Variants in MAPK8IP3 observed in about 807,000 individuals in gnomAD.
MAPK8IP3 encodes mitogen-activated protein kinase 8 interacting protein 3, also known as C-Jun-amino-terminal kinase-interacting protein 3.
A neutral mutation model predicts 157.8 loss-of-function variants in MAPK8IP3; 49 were observed. That is an observed-to-expected ratio of 0.31 (90% CI 0.25 to 0.39). The LOEUF (loss-of-function observed/expected upper bound fraction) is 0.39. Among genes scored for constraint, MAPK8IP3 ranks in the 10% least tolerant of loss-of-function variants. The pLI is 1.00. For synonymous variants in MAPK8IP3, 897 were observed against 777.7 expected (o/e 1.15, Z -2.55); for missense variants, 1,478 against 1,889.4 (o/e 0.78, Z 4.04).
chr16:1,711,937 C>T (rs538329237), intron 1 of MAPK8IP3, among the ~76,000 whole-genome samples: 2 of 139,890 alleles, frequency 1.4e-5, no homozygotes, highest in Admixed American at 7.3e-5. Flanking sequence ...AGGGAGACTC[C>T]GTCTCAAAAA....
intron 26 of MAPK8IP3, 128 bp from the exon 27 acceptor site, chr16:1,767,436 G>A: frequency 2.7e-6 from 4 of 1,501,600 alleles, no homozygotes; most frequent in South Asian, 1.2e-5. Flanking sequence ...GGCTCGAACA[G>A]GCGCAAAGCA....
At chr16:1,754,518 C>A (rs887256651) in intron 8 of MAPK8IP3, among the ~76,000 whole-genome samples, 31 of 152,008 alleles carry the variant, frequency 2.0e-4, no homozygotes, top group African/African-American at 6.3e-4. Flanking sequence ...TCATGCCTGT[C>A]ATCCCAGCAC....
At chr16:1,712,208 C>T (rs1171225375) in intron 1 of MAPK8IP3, among the ~76,000 whole-genome samples, 2 of 151,522 alleles carry the variant, frequency 1.3e-5, no homozygotes, top group African/African-American at 4.8e-5. Flanking sequence ...ACTACAGGTG[C>T]CCGCCAACAC....
intron 2 of MAPK8IP3, among the ~76,000 whole-genome samples, chr16:1,725,113 G>A (rs2038782698): frequency 6.6e-6 from 1 of 151,850 alleles, no homozygotes; most frequent in Admixed American, 6.6e-5. Flanking sequence ...GCTGATCAGG[G>A]TGTCTGTCCC....
At chr16:1,759,615 T>C (rs1239614016) in intron 10 of MAPK8IP3, among the ~76,000 whole-genome samples, 1 of 152,122 alleles carries the variant, frequency 6.6e-6, no homozygotes, top group East Asian at 1.9e-4. Context: ...AGCTCCAACA[T>C]CACTCGCCTA....
intron 20 of MAPK8IP3, 96 bp downstream of exon 20, chr16:1,765,274 G>T (rs1237023748): frequency 7.2e-7 from 1 of 1,391,546 alleles, no homozygotes; most frequent in Non-Finnish European, 9.7e-7. Flanking sequence ...CCTTCTCGGG[G>T]TGTCCTGTGG....
intron 8 of MAPK8IP3, among the ~76,000 whole-genome samples, chr16:1,750,244 C>T (rs979023695): frequency 9.9e-5 from 15 of 152,186 alleles, no homozygotes; most frequent in East Asian, 3.9e-4. Context: ...GACAAAGTCC[C>T]GCTCTGTCGC....
intron 4 of MAPK8IP3, among the ~76,000 whole-genome samples, chr16:1,736,521 T>A (rs1170036104): frequency 2.0e-5 from 1 of 51,138 alleles, no homozygotes; most frequent in Non-Finnish European, 3.3e-5. Context: ...CGTCCGTGTG[T>A]GACCGTCCGT....
At chr16:1,759,865 TC>T in intron 10 of MAPK8IP3, 92 bp from the exon 11 acceptor site, 2 of 1,144,168 alleles carry the variant, frequency 1.7e-6, no homozygotes, top group South Asian at 2.5e-5. Flanking sequence ...CAGGCTACCC[TC>T]TTTGGAAGCG....
Position 1,747,143 on chromosome 16 carries a change from C to A in MAPK8IP3, c.862C>A (p.Pro288Thr). 6.2e-7 allele frequency: 1 copy of A among 1,614,050 alleles called. No homozygotes were observed. Among genetic ancestry groups the A allele is most frequent in the Non-Finnish European group, 8.5e-7 (1 of 1,180,018 alleles). The change falls in exon 6 of 32, where the codon CCC becomes ACC. Residue 288 changes from proline (P) to threonine (T), a missense_variant. This residue lies in a region of MAPK8IP3 where 315 missense variants were observed against 394.4 expected (regional missense o/e 0.80). Coordinates refer to ENST00000610761, the MANE Select transcript of MAPK8IP3 (RefSeq NM_001318852.2). ...CTCCGTGCCCTCGGCCGCCGTCACA[C>A]CCCTCAACGAGAGCCTGCAGCCCCT... ...TSSVPSAAVT[P>T]LNESLQPLGD...
intron 4 of MAPK8IP3, among the ~76,000 whole-genome samples, chr16:1,738,727 G>T (rs1445032166): frequency 7.4e-6 from 1 of 135,630 alleles, no homozygotes; most frequent in Non-Finnish European, 1.5e-5. Context: ...GTGTGAGTGT[G>T]ACCACCCATG....
At chr16:1,712,037 TGGCCTCA>T (rs2037814119) in intron 1 of MAPK8IP3, among the ~76,000 whole-genome samples, 1 of 148,568 alleles carries the variant, frequency 6.7e-6, no homozygotes, top group Non-Finnish European at 1.5e-5. Flanking sequence ...GGTGTTCTTT[TGGCCTCA>T]GGAGTTCTTT....
chr16:1,708,455 T>C (rs2037540418), intron 1 of MAPK8IP3, among the ~76,000 whole-genome samples: 1 of 152,094 alleles, frequency 6.6e-6, no homozygotes, highest in South Asian at 2.1e-4. Flanking sequence ...GTGTGGTCAG[T>C]ATAGTGGACG....
chr16:1,758,173 T>C lies in MAPK8IP3; in HGVS notation c.1228+14T>C. On this transcript the variant is annotated intron_variant, in intron 9 of 31. Transcript: ENST00000610761. ...GGGAGTTCTCAGGTGAGTATCTCACTCTCCTGTCTGTCTCCCCTCTGTGTG... is the reference window on the plus strand; with the variant it reads ...GGGAGTTCTCAGGTGAGTATCTCACCCTCCTGTCTGTCTCCCCTCTGTGTG... 6.2e-7 allele frequency: 1 copy of C among 1,613,514 alleles called. No homozygotes were observed. Among genetic ancestry groups the C allele is most frequent in the Non-Finnish European group, 8.5e-7 (1 of 1,179,748 alleles).
rs1295239076 is a variant in MAPK8IP3 at position 1,724,149 on chromosome 16, T to C, written c.319-408T>C. On this transcript the variant is annotated intron_variant, in intron 1 of 31. Transcript: ENST00000610761. This position sits in a 1 kb window ranked among gnomAD's most constrained non-coding sequence, Gnocchi z 4.1. ...GTAAAAATGGAAACACAGGGCTCTATGTTCAAAAATTAGCAACATTTCAAG... is the reference window on the plus strand; with the variant it reads ...GTAAAAATGGAAACACAGGGCTCTACGTTCAAAAATTAGCAACATTTCAAG... 6.6e-6 allele frequency among the ~76,000 whole-genome samples: 1 copy of C among 152,206 alleles called. No individual in the cohort carries two copies.
intron 2 of MAPK8IP3, among the ~76,000 whole-genome samples, chr16:1,727,417 T>C (rs2038959047): frequency 6.6e-6 from 1 of 152,010 alleles, no homozygotes; most frequent in African/African-American, 2.4e-5. Flanking sequence ...GCAGCGTCTG[T>C]GAGTCACATG....
At position 1,770,197 on chromosome 16, in the gene MAPK8IP3, G is replaced by C. The variant is rs952086593; in HGVS notation, c.*1373G>C. On this transcript the variant is annotated 3_prime_UTR_variant, in exon 32 of 32. Coordinates refer to ENST00000610761, the MANE Select transcript of MAPK8IP3 (RefSeq NM_001318852.2). ...CCCTCGTCTGTTCCCCCAGGATCTC[G>C]AAGTGACTCCGGGCTGAGCAGTGGG... The C allele has an allele frequency of 4.5e-5, 7 of 156,480 alleles. No homozygotes were observed. Among genetic ancestry groups the C allele is most frequent in the African/African-American group, 1.7e-4 (7 of 41,600 alleles). The allele number at this position is 156,480 out of a possible 1,614,324, so 9.7% of individuals were successfully genotyped here.
chr16:1,731,434 G>T (rs988994451), intron 4 of MAPK8IP3, among the ~76,000 whole-genome samples: 1 of 152,248 alleles, frequency 6.6e-6, no homozygotes, highest in Non-Finnish European at 1.5e-5. Flanking sequence ...CCACAGAGGT[G>T]GGACAAGGCG....
chr16:1,725,996 A>T (rs946219563), intron 2 of MAPK8IP3, among the ~76,000 whole-genome samples: 8 of 152,360 alleles, frequency 5.3e-5, no homozygotes, highest in Admixed American at 3.9e-4. Context: ...AGATGTTTTA[A>T]TGATTGAAAC....
Sources: allele counts gnomAD v4.1 joint callset (sites outside exome capture counted in the v4.1 genomes callset), GRCh38; gene constraint gnomAD v4.1.1; regional missense constraint gnomAD v4.1.1; non-coding constraint Gnocchi (gnomAD v3.1); transcripts MANE v1.5; gene names NCBI Gene and HGNC (gene_info 2026-07-23, HGNC 2026-07-21).